DSE: variants seen among roughly 807,000 people sequenced by gnomAD.
DSE encodes dermatan sulfate epimerase, also known as dermatan-sulfate epimerase.
In DSE, 36 loss-of-function variants were observed where a neutral mutation model predicts 84.4. That is an observed-to-expected ratio of 0.43 (90% CI 0.33 to 0.56). DSE has a LOEUF of 0.56. Ranked by LOEUF, DSE falls within the 20% of genes least tolerant of loss-of-function variation. DSE has a pLI of 0.06. For missense variants in DSE, 862 were observed against 1,169.6 expected, an observed-to-expected ratio of 0.74 and a Z score of 3.84; for synonymous variants, 410 against 430.1, an observed-to-expected ratio of 0.95 and a Z score of 0.58.
intron 2 of DSE, among the ~76,000 whole-genome samples, chr6:116,313,714 A>G (rs770801526): frequency 6.6e-6 from 1 of 152,224 alleles, no homozygotes; most frequent in Non-Finnish European, 1.5e-5. Flanking sequence ...TAGTTACAGC[A>G]TTAATTCCTA....
At chr6:116,291,024 G>A (rs1252520058) in intron 2 of DSE, among the ~76,000 whole-genome samples, 4 of 152,138 alleles carry the variant, frequency 2.6e-5, no homozygotes, top group South Asian at 4.1e-4. Context: ...AGACCACTTC[G>A]TCTGTTCTTT....
At position 116,438,821 on chromosome 6, in the gene DSE, T is replaced by C. The variant is rs1360841347; in HGVS notation, c.*1476T>C. 1 of 152,212 alleles carries C rather than the reference T, an allele frequency of 6.6e-6. No individual in the cohort carries two copies. Among genetic ancestry groups the C allele is most frequent in the African/African-American group, 2.4e-5 (1 of 41,466 alleles). The allele number at this position is 152,212 out of a possible 1,614,324, so 9.4% of individuals were successfully genotyped here. On this transcript the variant is annotated 3_prime_UTR_variant, in exon 6 of 6. Coordinates refer to ENST00000644252, the MANE Select transcript of DSE (RefSeq NM_013352.4). The stretch of plus-strand genomic sequence containing the variant: ...ACCAAAAGACAAGCTAGAGAAACTT[T>C]TAAGTACCTTTCTGCAGTTCTAATT...
At chr6:116,325,320 C>T (rs1562231143) in intron 2 of DSE, among the ~76,000 whole-genome samples, 1 of 152,166 alleles carries the variant, frequency 6.6e-6, no homozygotes, top group Non-Finnish European at 1.5e-5. Flanking sequence ...GAAAAATGTC[C>T]ACCACAAGTT....
rs576596645 is a variant in DSE, at chr6:116,347,184, G to A, written c.-53-52014G>A. ...AGGAGGAATCAATATCCTGAAAATG[G>A]CCATACTGTCCAAGGTAATTTATAG... On this transcript the variant is annotated intron_variant, in intron 2 of 3. Coordinates refer to the DSE transcript ENST00000430252. Among the ~76,000 whole-genome samples the A allele has an allele frequency of 5.9e-4, 90 of 152,180 alleles. 1 individual carries two copies. The highest frequency in any genetic ancestry group is 1.7e-3 in the African/African-American group (70 of 41,504).
chr6:116,288,261 G>A (rs1401506719), intron 2 of DSE: 1 of 151,970 alleles, frequency 6.6e-6, no homozygotes, highest in Non-Finnish European at 1.5e-5. Context: ...AATGAAATAA[G>A]ATATATATAA....
intron 2 of DSE, among the ~76,000 whole-genome samples, chr6:116,269,639 T>A (rs1569824): frequency 0.28 from 42,694 of 151,882 alleles, 7,206 homozygotes; most frequent in East Asian, 0.67. Context: ...AGACATATGG[T>A]ATTTTGGGCT....
At chr6:116,398,127 G>T (rs1188242289) in intron 1 of DSE, among the ~76,000 whole-genome samples, 1 of 152,026 alleles carries the variant, frequency 6.6e-6, no homozygotes, top group African/African-American at 2.4e-5. Flanking sequence ...TCTTTTTCTG[G>T]TCTGCTTTCT....
intron 1 of DSE, among the ~76,000 whole-genome samples, chr6:116,377,809 T>C (rs369544666): frequency 1.3e-5 from 2 of 152,356 alleles, no homozygotes; most frequent in African/African-American, 4.8e-5. Context: ...CTTGTTTACC[T>C]TCTAGACAGT....
intron 2 of DSE, among the ~76,000 whole-genome samples, chr6:116,264,219 A>T (rs1004225544): frequency 6.6e-6 from 1 of 152,118 alleles, no homozygotes; most frequent in Admixed American, 6.5e-5. Context: ...TCATCTCTTT[A>T]AGGGACACCA....
intron 2 of DSE, among the ~76,000 whole-genome samples, chr6:116,347,908 T>G (rs1778084460): frequency 6.6e-6 from 1 of 151,912 alleles, no homozygotes; most frequent in African/African-American, 2.4e-5. Context: ...GACAAAGGGC[T>G]AATATCCAGA....
chr6:116,293,438 A>G (rs1187366665), intron 2 of DSE, among the ~76,000 whole-genome samples: 1 of 151,904 alleles, frequency 6.6e-6, no homozygotes, highest in African/African-American at 2.4e-5. Flanking sequence ...TGCCCAGCTA[A>G]TTTTTGTACT....
intron 2 of DSE, chr6:116,278,881 G>C (rs1773299389): frequency 6.2e-7 from 1 of 1,614,028 alleles, no homozygotes; most frequent in Non-Finnish European, 8.5e-7. Context: ...CTTGCAACCG[G>C]TTCTAGGGTG....
chr6:116,399,774 T>C, intron 2 of DSE, 108 bp downstream of exon 2: 1 of 1,086,702 alleles, frequency 9.2e-7, no homozygotes, highest in East Asian at 2.4e-5. Context: ...TGTGTATGTG[T>C]GTGGGGGGAG....
intron 2 of DSE, among the ~76,000 whole-genome samples, chr6:116,327,640 C>CAT (rs1476749689): frequency 6.6e-6 from 1 of 152,146 alleles, no homozygotes; most frequent in East Asian, 1.9e-4. Flanking sequence ...AAGTATTATC[C>CAT]ATAATACTTG....
intron 2 of DSE, among the ~76,000 whole-genome samples, chr6:116,281,951 T>C (rs2498701): frequency 0.022 from 3,372 of 152,284 alleles, 137 homozygotes; most frequent in African/African-American, 0.078. Context: ...TCTAAAAGGA[T>C]AGGAAAAACA....
At chr6:116,264,778 A>G (rs1233577471) in intron 2 of DSE, among the ~76,000 whole-genome samples, 1 of 151,882 alleles carries the variant, frequency 6.6e-6, no homozygotes, top group Non-Finnish European at 1.5e-5. Context: ...GATGAACTTG[A>G]GCATTTGTGG....
intron 2 of DSE, among the ~76,000 whole-genome samples, chr6:116,328,958 T>TGCTTACTACGCCTGGCAGTTCC (rs1182448373): frequency 6.6e-6 from 1 of 152,346 alleles, no homozygotes; most frequent in Non-Finnish European, 1.5e-5. Context: ...AAGCCAGTTC[T>TGCTTACTACGCCTGGCAGTTCC]GCTTACTACG....
At chr6:116,364,625 T>C (rs1779065001) in intron 2 of DSE, among the ~76,000 whole-genome samples, 1 of 152,224 alleles carries the variant, frequency 6.6e-6, no homozygotes, top group Admixed American at 6.5e-5. Context: ...CTTCACTAGT[T>C]CAGCCAGTAT....
chr6:116,392,208 A>G (rs3777997), intron 1 of DSE, among the ~76,000 whole-genome samples: 1,805 of 152,292 alleles, frequency 0.012, 25 homozygotes, highest in South Asian at 0.067. Flanking sequence ...CCTGTCTAGT[A>G]TATCCTAATG....
Sources: gnomAD v4.1 joint callset for allele counts (sites outside exome capture counted in the v4.1 genomes callset) on GRCh38, gnomAD v4.1.1 for gene constraint, MANE v1.5 for transcripts, NCBI Gene and HGNC (gene_info 2026-07-23, HGNC 2026-07-21) for gene names.